CELSR1: variants seen among roughly 807,000 people sequenced by gnomAD.
CELSR1 encodes adhesion G protein-coupled receptor C1.
Under a neutral mutation model 249.1 loss-of-function variants are expected in CELSR1, and 110 were observed. That is an observed-to-expected ratio of 0.44 (90% CI 0.38 to 0.52). CELSR1 has a LOEUF of 0.52. Among genes scored for constraint, CELSR1 ranks in the 20% least tolerant of loss-of-function variants. CELSR1 has a pLI of 0.00. For missense variants in CELSR1, 4,109 were observed against 4,296.4 expected (o/e 0.96, Z 1.22); for synonymous variants, 2,113 against 1,900.0 (o/e 1.11, Z -2.92).
In CELSR1 at chr22:46,391,646, C is replaced by T. The variant is rs769971022; in HGVS notation, c.6135G>A (p.Thr2045=). ...RCDNPFAEVT[T]LGCEVIYNGC... ...GGCAACGCGGACCTTCACAGCCGAG[C>T]GTGGTGACCTCGGCAAACGGGTTGT... The change falls in exon 15 of 35, where the codon ACG becomes ACA. Residue 2045 remains threonine, a synonymous_variant. Coordinates refer to ENST00000674500, the MANE Select transcript of CELSR1 (RefSeq NM_001378328.1). This position sits in a 1 kb window ranked among gnomAD's most constrained non-coding sequence, Gnocchi z 4.3. 7.5e-6 allele frequency: 12 copies of T among 1,601,830 alleles called. No homozygotes were observed. Among genetic ancestry groups the T allele is most frequent in the Admixed American group, 3.4e-5 (2 of 58,540 alleles).
intron 1 of CELSR1, among the ~76,000 whole-genome samples, chr22:46,469,102 T>C (rs2080127886): frequency 6.6e-6 from 1 of 152,018 alleles, no homozygotes; most frequent in South Asian, 2.1e-4. Flanking sequence ...ATCTTAAAAA[T>C]AGCCTATGAC....
Position 46,464,412 on chromosome 22 carries a change from C to G in CELSR1, c.3545-67G>C. ...GAGTCACAGGTCCTATAGGCCCCAT[C>G]CCAGGAGCAGCCTCAGGCATGCTTG... is the stretch of plus-strand genomic sequence containing the variant. On this transcript the variant is annotated intron_variant, in intron 1 of 34. Transcript: ENST00000674500. This position sits in a 1 kb window ranked among gnomAD's most constrained non-coding sequence, Gnocchi z 8.5. 1 of 1,523,530 alleles carries G rather than the reference C, an allele frequency of 6.6e-7. No homozygotes were observed. 94.4% of individuals were successfully genotyped at this position (1,523,530 alleles called of 1,614,324 possible). A position where few individuals can be genotyped will look rare whatever the true frequency, so the allele number is the denominator to read the frequency against.
At chr22:46,389,524 G>A in intron 17 of CELSR1, 25 bp from the exon 18 acceptor site, 1 of 1,611,276 alleles carries the variant, frequency 6.2e-7, no homozygotes, top group Non-Finnish European at 8.5e-7. Flanking sequence ...CAGTCGTGAT[G>A]TGTGCAAACC....
Position 46,447,954 on chromosome 22 carries a change from C to T in CELSR1, c.4184-8543G>A, listed in dbSNP as rs1269501249. Among the ~76,000 whole-genome samples the T allele has an allele frequency of 2.0e-5, 3 of 152,216 alleles. No homozygotes were observed. Among genetic ancestry groups the T allele is most frequent in the African/African-American group, 7.2e-5 (3 of 41,458 alleles). ...TTCTTAACGGCAAAAGAAAAGCTCC[C>T]AGGAGCCAAGGCCCATCCAGCCCTC... On this transcript the variant is annotated intron_variant, in intron 2 of 34. Transcript: ENST00000674500. This position sits in a 1 kb window ranked among gnomAD's most constrained non-coding sequence, Gnocchi z 4.7.
rs2079184331 is a variant in CELSR1 at position 46,399,202 on chromosome 22, G to C, written c.5412+515C>G. Among the ~76,000 whole-genome samples, 1 of 152,180 alleles carries C rather than the reference G, an allele frequency of 6.6e-6. No individual in the cohort carries two copies. Among genetic ancestry groups the C allele is most frequent in the African/African-American group, 2.4e-5 (1 of 41,440 alleles). Reference sequence around the variant, plus strand: ...TTGGGTTACCTGCCTGCAAACTGTGGAAACCTAGTTTGGTTAAGTGTTCCG... The same window carrying C: ...TTGGGTTACCTGCCTGCAAACTGTGCAAACCTAGTTTGGTTAAGTGTTCCG... On this transcript the variant is annotated intron_variant, in intron 10 of 34. Transcript: ENST00000674500. The surrounding 1 kb of genome is among the most constrained non-coding windows in gnomAD (Gnocchi z 5.0).
chr22:46,389,989 G>A (rs1157150363), intron 17 of CELSR1, among the ~76,000 whole-genome samples: 1 of 152,064 alleles, frequency 6.6e-6, no homozygotes, highest in Non-Finnish European at 1.5e-5. Context: ...CCAAAAATGA[G>A]CACTGCTGAC....
intron 18 of CELSR1, 23 bp downstream of exon 18, chr22:46,389,267 C>A: frequency 6.2e-7 from 1 of 1,600,324 alleles, no homozygotes; most frequent in South Asian, 1.1e-5. Flanking sequence ...GTCCCCGAGC[C>A]AGGGTGGCGG....
At position 46,409,229 on chromosome 22, in the gene CELSR1, G is replaced by C; in HGVS notation, c.5060-67C>G. On this transcript the variant is annotated intron_variant, in intron 8 of 34. Transcript: ENST00000674500. This position sits in a 1 kb window ranked among gnomAD's most constrained non-coding sequence, Gnocchi z 9.8. ...CACACGGCCGCGGACTTGGCTGCAG[G>C]GGCGGGGGATGGGCCTGCAGGCTAG... 1 of 1,561,186 alleles carries C rather than the reference G, an allele frequency of 6.4e-7. No individual in the cohort carries two copies. The highest frequency in any genetic ancestry group is 8.7e-7 in the Non-Finnish European group (1 of 1,145,570).
chr22:46,394,563 G>A (rs1569131511), intron 13 of CELSR1, among the ~76,000 whole-genome samples: 1 of 152,226 alleles, frequency 6.6e-6, no homozygotes. Context: ...CCCACTGCAA[G>A]GCTGGCCTTT....
intron 2 of CELSR1, among the ~76,000 whole-genome samples, chr22:46,443,128 T>C (rs1260171358): frequency 3.3e-5 from 5 of 151,038 alleles, no homozygotes; most frequent in Admixed American, 2.6e-4. Flanking sequence ...AATGTGTAAC[T>C]GGCTAAGCCA....
At chr22:46,385,302 C>T (rs114741456) in intron 19 of CELSR1, among the ~76,000 whole-genome samples, 2,068 of 152,220 alleles carry the variant, frequency 0.014, 50 homozygotes, top group African/African-American at 0.047. Context: ...CTCACTATGG[C>T]GCCTGGCTGG....
At position 46,417,028 on chromosome 22, in the gene CELSR1, C is replaced by T. The variant is rs566957666; in HGVS notation, c.4612-5269G>A. Reference sequence around the variant, plus strand: ...AAATGAATGAATTCATGCTCTGTGTCAGAAATGATTAACCAACGTTCATAT... The same window carrying T: ...AAATGAATGAATTCATGCTCTGTGTTAGAAATGATTAACCAACGTTCATAT... On this transcript the variant is annotated intron_variant, in intron 5 of 34. Transcript: ENST00000674500. The surrounding 1 kb of genome is among the most constrained non-coding windows in gnomAD (Gnocchi z 4.1). Among the ~76,000 whole-genome samples, 1 of 152,198 alleles carries T rather than the reference C, an allele frequency of 6.6e-6. No individual in the cohort carries two copies. Among genetic ancestry groups the T allele is most frequent in the East Asian group, 1.9e-4 (1 of 5,178 alleles).
Position 46,534,329 on chromosome 22 carries a change from C to A in CELSR1, c.2842G>T (p.Gly948Cys). The A allele has an allele frequency of 6.2e-7, 1 of 1,613,074 alleles. No individual in the cohort carries two copies. Among genetic ancestry groups the A allele is most frequent in the Non-Finnish European group, 8.5e-7 (1 of 1,180,038 alleles). ...AGCCGGCGCTGGGTGCGAATCACAC[C>A]GGACGTGGGCTCGATGTAGAAGTCC... The part of the protein sequence containing the change: ...DGDFYIEPTS[G>C]VIRTQRRLDR... The change falls in exon 1 of 35, where the codon GGT (glycine) becomes TGT (cysteine). Residue 948 changes from glycine (G) to cysteine (C), a missense_variant. By Grantham distance (159) the Gly-to-Cys change is radical. Transcript: ENST00000674500. The surrounding 1 kb of genome is among the most constrained non-coding windows in gnomAD (Gnocchi z 9.7).
rs112535095 is a variant in CELSR1 at position 46,535,696 on chromosome 22, G to A, written c.1475C>T (p.Ala492Val). The stretch of plus-strand genomic sequence containing the variant: ...GCTGAGGATGCTGTAGTGAATGGCC[G>A]CGTTCTGGCCCTGGTCCCGGTCCGT... ...QATDRDQGQN[A>V]AIHYSILSGN... Residue 492 changes from alanine (A) to valine (V), a missense_variant, in exon 1 of 35, where the codon GCG (alanine) becomes GTG (valine). By Grantham distance (64) the Ala-to-Val change is moderately conservative. Around this residue, in one of 7 missense-constraint regions of CELSR1, gnomAD observed 135 missense variants for 190.0 expected, o/e 0.71. Transcript: ENST00000674500. The A allele has an allele frequency of 1.9e-6, 3 of 1,612,830 alleles. No individual in the cohort carries two copies. The highest frequency in any genetic ancestry group is 2.5e-6 in the Non-Finnish European group (3 of 1,180,020).
intron 1 of CELSR1, among the ~76,000 whole-genome samples, chr22:46,519,108 C>G (rs1433146442): frequency 6.6e-6 from 1 of 151,870 alleles, no homozygotes; most frequent in Non-Finnish European, 1.5e-5. Flanking sequence ...GAAAACATGA[C>G]ACTGGCCGGG....
intron 2 of CELSR1, among the ~76,000 whole-genome samples, chr22:46,449,577 G>T (rs2079859206): frequency 6.6e-6 from 1 of 152,158 alleles, no homozygotes; most frequent in Admixed American, 6.5e-5. Flanking sequence ...TAAACTGCCA[G>T]CGTGGGCCAT....
Position 46,380,588 on chromosome 22 carries a change from T to C in CELSR1, c.7256+200A>G, listed in dbSNP as rs983378652. Reference sequence around the variant, plus strand: ...CCACGTGCAGGTCTGTGTGCATCTGTGTGTGGACATCTAGGGGAGGACTCT... The same window carrying C: ...CCACGTGCAGGTCTGTGTGCATCTGCGTGTGGACATCTAGGGGAGGACTCT... On this transcript the variant is annotated intron_variant, in intron 22 of 34. Transcript: ENST00000674500. This position sits in a 1 kb window ranked among gnomAD's most constrained non-coding sequence, Gnocchi z 5.1. Among the ~76,000 whole-genome samples, 3 of 152,186 alleles carry C rather than the reference T, an allele frequency of 2.0e-5. No homozygotes were observed. Among genetic ancestry groups the C allele is most frequent in the Non-Finnish European group, 4.4e-5 (3 of 68,024 alleles).
intron 1 of CELSR1, among the ~76,000 whole-genome samples, chr22:46,499,856 A>C (rs2080449578): frequency 6.6e-6 from 1 of 151,968 alleles, no homozygotes; most frequent in African/African-American, 2.4e-5. Flanking sequence ...TGTCAGACAT[A>C]AAACCCCTCC....
intron 5 of CELSR1, among the ~76,000 whole-genome samples, chr22:46,432,700 T>C (rs77922289): frequency 0.012 from 1,868 of 152,306 alleles, 40 homozygotes; most frequent in African/African-American, 0.043. Context: ...GGCTCGCCAG[T>C]TACATCCAGG....
Sources: gnomAD v4.1 joint callset for allele counts (sites outside exome capture counted in the v4.1 genomes callset) on GRCh38, gnomAD v4.1.1 for gene constraint, gnomAD v4.1.1 regional missense constraint, Gnocchi (gnomAD v3.1) non-coding constraint, MANE v1.5 for transcripts, NCBI Gene and HGNC (gene_info 2026-07-23, HGNC 2026-07-21) for gene names.